The following ARID4B variants were observed in gnomAD, a reference collection of about 807,000 sequenced individuals.
ARID4B encodes AT-rich interaction domain 4B, also known as AT-rich interactive domain-containing protein 4B.
In ARID4B, 26 loss-of-function variants were observed where a neutral mutation model predicts 147.5. That is an observed-to-expected ratio of 0.18 (90% CI 0.13 to 0.24). ARID4B has a LOEUF of 0.24. Among genes scored for constraint, ARID4B ranks in the 10% least tolerant of loss-of-function variants. The pLI, the probability that ARID4B is intolerant of heterozygous loss-of-function variation, is 1.00. For missense variants in ARID4B, 1,179 were observed against 1,511.5 expected, an observed-to-expected ratio of 0.78 and a Z score of 3.65; for synonymous variants, 512 against 507.9, an observed-to-expected ratio of 1.01 and a Z score of -0.11.
intron 2 of ARID4B, among the ~76,000 whole-genome samples, chr1:235,309,013 C>A (rs537190794): frequency 3.5e-5 from 5 of 144,184 alleles, no homozygotes; most frequent in Admixed American, 3.4e-4. Flanking sequence ...CGGCCGCCAT[C>A]CCATCTAGGA....
Position 235,168,320 on chromosome 1 carries a change from G to C in ARID4B, c.*205C>G. 1 of 504,588 alleles carries C rather than the reference G, an allele frequency of 2.0e-6. No individual in the cohort carries two copies. Among genetic ancestry groups the C allele is most frequent in the Non-Finnish European group, 3.4e-6 (1 of 298,094 alleles). The allele number at this position is 504,588 out of a possible 1,614,324, so 31.3% of individuals were successfully genotyped here. On this transcript the variant is annotated 3_prime_UTR_variant, in exon 24 of 24. Transcript: ENST00000264183. ...AGACACACAATTCCCAGACAAGTTG[G>C]AAACAATTATTGCTTGAGGAAAAGC...
At chr1:235,181,350 TG>T in intron 20 of ARID4B, 1 of 661,312 alleles carries the variant, frequency 1.5e-6, no homozygotes, top group Non-Finnish European at 2.4e-6. Context: ...GCATGTGTTC[TG>T]GTCCACAATA....
chr1:235,327,210 G>A (rs1675347236), intron 1 of ARID4B: 2 of 363,412 alleles, frequency 5.5e-6, no homozygotes, highest in Non-Finnish European at 1.0e-5. Flanking sequence ...GGAGTTTCCC[G>A]TCTACGACAA....
rs1044634348 is a variant in ARID4B, at chr1:235,201,752, C to T, written c.1842-5637G>A. On this transcript the variant is annotated intron_variant, in intron 17 of 23. Coordinates refer to ENST00000264183, the MANE Select transcript of ARID4B (RefSeq NM_016374.6). ...TACAAAAATCAGCTGGGCACGGTGG[C>T]GCATGTCTATAATCCCAGCTACTCA... 7.9e-5 allele frequency among the ~76,000 whole-genome samples: 12 copies of T among 151,824 alleles called. 1 individual carries two copies. Among genetic ancestry groups the T allele is most frequent in the Admixed American group, 6.6e-4 (10 of 15,234 alleles).
chr1:235,215,084 A>ATCCACCCACCGTGGC (rs1366531432), intron 16 of ARID4B, among the ~76,000 whole-genome samples: 1 of 151,994 alleles, frequency 6.6e-6, no homozygotes, highest in Non-Finnish European at 1.5e-5. Context: ...ACCTCAGGTG[A>ATCCACCCACCGTGGC]TCCACCCACC....
rs535950820 is a variant in ARID4B at position 235,271,567 on chromosome 1, T to C, written c.7-10815A>G. 8.6e-5 allele frequency among the ~76,000 whole-genome samples: 13 copies of C among 150,492 alleles called. No individual in the cohort carries two copies. The South Asian group carries it at 1.5e-3, about 17-fold the overall frequency. On this transcript the variant is annotated intron_variant, in intron 2 of 23. Transcript: ENST00000264183. ...ATCACTTGGACTCGGGAGGCGGAGATTGCAGTGAGCCGAGTTTGCACCACT... is the reference window on the plus strand; with the variant it reads ...ATCACTTGGACTCGGGAGGCGGAGACTGCAGTGAGCCGAGTTTGCACCACT...
chr1:235,175,273 C>T lies in ARID4B; in HGVS notation c.3575G>A (p.Gly1192Glu), dbSNP rs1182208962. The T allele has an allele frequency of 6.2e-7, 1 of 1,614,028 alleles. No individual in the cohort carries two copies. The highest frequency in any genetic ancestry group is 8.5e-7 in the Non-Finnish European group (1 of 1,180,024). ...CTTATCACCATTCTTTCCACATTTT[C>T]CTGGAGACTGCGTCCTTGCGGGAGA... is the stretch of plus-strand genomic sequence containing the variant. ...TKSPARTQSP[G>E]KCGKNGDKDP... The change falls in exon 22 of 24, where the codon GGA (glycine) becomes GAA (glutamate). Residue 1192 changes from glycine to glutamate, a missense_variant. By Grantham distance (98) the Gly-to-Glu change is moderately conservative. Coordinates refer to ENST00000264183, the MANE Select transcript of ARID4B (RefSeq NM_016374.6).
At chr1:235,270,556 T>C (rs1670916425) in intron 2 of ARID4B, among the ~76,000 whole-genome samples, 5 of 152,212 alleles carry the variant, frequency 3.3e-5, no homozygotes, top group Admixed American at 2.6e-4. Context: ...GAAGAGTATC[T>C]GCATATTCCT....
Position 235,229,283 on chromosome 1 carries a change from T to A in ARID4B, c.845A>T (p.Glu282Val). 6.2e-7 allele frequency: 1 copy of A among 1,613,258 alleles called. No homozygotes were observed. The highest frequency in any genetic ancestry group is 1.1e-5 in the South Asian group (1 of 91,022). ...DSSSSEAEEEEEEEDDEKEKE... is the reference protein window; with the variant it reads ...DSSSSEAEEEVEEEDDEKEKE... ...TTCTTTTTCATCATCTTCCTCCTCC[T>A]CTTCTTCCTCTGCTTCACTGCTAGA... The change falls in exon 11 of 24, where the codon GAG becomes GTG. Residue 282 changes from glutamate to valine, a missense_variant. Glu to Val is a moderately radical substitution (Grantham distance 121). Around this residue, in one of 10 missense-constraint regions of ARID4B, gnomAD observed 159 missense variants for 190.5 expected, o/e 0.83. Transcript: ENST00000264183.
At chr1:235,324,474 T>C (rs1675082095) in intron 2 of ARID4B, among the ~76,000 whole-genome samples, 1 of 152,230 alleles carries the variant, frequency 6.6e-6, no homozygotes, top group Non-Finnish European at 1.5e-5. Context: ...TATTACTACA[T>C]AATCTAACTT....
intron 2 of ARID4B, among the ~76,000 whole-genome samples, chr1:235,283,098 A>C (rs1215804475): frequency 1.3e-5 from 2 of 152,218 alleles, no homozygotes; most frequent in Non-Finnish European, 2.9e-5. Context: ...TTTTATAACA[A>C]AATAAGAAGT....
intron 6 of ARID4B, among the ~76,000 whole-genome samples, chr1:235,249,001 A>G (rs1000273484): frequency 6.6e-6 from 1 of 152,252 alleles, no homozygotes; most frequent in Non-Finnish European, 1.5e-5. Context: ...AAACTTCTCT[A>G]GAGTTTTCAA....
intron 2 of ARID4B, among the ~76,000 whole-genome samples, chr1:235,286,014 G>A (rs576758614): frequency 2.0e-5 from 3 of 151,610 alleles, no homozygotes; most frequent in East Asian, 1.9e-4. Context: ...CTGAGTTAAC[G>A]CTCATTCACA....
At chr1:235,321,081 A>G (rs1247597408) in intron 2 of ARID4B, among the ~76,000 whole-genome samples, 4 of 152,176 alleles carry the variant, frequency 2.6e-5, no homozygotes, top group South Asian at 2.1e-4. Context: ...ACCCAGAACA[A>G]TGTCCGGTAC....
At chr1:235,276,165 A>G (rs1321306274) in intron 2 of ARID4B, among the ~76,000 whole-genome samples, 3 of 151,780 alleles carry the variant, frequency 2.0e-5, no homozygotes, top group Admixed American at 1.3e-4. Flanking sequence ...ACCAGTAAGA[A>G]ATAATGAAAT....
chr1:235,288,210 G>A (rs904899561), intron 2 of ARID4B, among the ~76,000 whole-genome samples: 2 of 152,132 alleles, frequency 1.3e-5, no homozygotes, highest in Non-Finnish European at 2.9e-5. Context: ...TACTCAGGAG[G>A]CTGAGGCAGA....
chr1:235,257,448 A>G (rs1670050894), intron 3 of ARID4B, among the ~76,000 whole-genome samples: 1 of 152,026 alleles, frequency 6.6e-6, no homozygotes. Flanking sequence ...GCACATCTAA[A>G]TTACTAGATG....
chr1:235,253,850 A>C (rs1007446372), intron 5 of ARID4B, among the ~76,000 whole-genome samples: 3 of 152,146 alleles, frequency 2.0e-5, no homozygotes, highest in African/African-American at 7.2e-5. Context: ...TACCTACTAA[A>C]ATTAGATACT....
Position 235,213,840 on chromosome 1 carries a change from A to G in ARID4B, c.1770T>C (p.Ala590=), listed in dbSNP as rs1666863314. The G allele has an allele frequency of 6.2e-7, 1 of 1,614,064 alleles. No homozygotes were observed. Residue 590 remains alanine (A), a synonymous_variant, in exon 17 of 24, where the codon GCT becomes GCC. Transcript: ENST00000264183. ...CTTCGACATCAGAATCTTTAATACT[A>G]GCTTCATACATTTTTTGATTTTTCC... ...GRGKNQKMYE[A]SIKDSDVEGG... is the part of the protein sequence containing the mutation.
Sources: gnomAD v4.1 joint callset for allele counts (sites outside exome capture counted in the v4.1 genomes callset) on GRCh38, gnomAD v4.1.1 for gene constraint, gnomAD v4.1.1 regional missense constraint, MANE v1.5 for transcripts, NCBI Gene and HGNC (gene_info 2026-07-23, HGNC 2026-07-21) for gene names.